ERBB4: variants seen among roughly 807,000 people sequenced by gnomAD.
ERBB4 encodes the protein erb-b2 receptor tyrosine kinase 4, also known as receptor tyrosine-protein kinase erbB-4.
A neutral mutation model predicts 158.0 loss-of-function variants in ERBB4; 42 were observed. The ratio of observed to expected loss-of-function variants is 0.27; its 90% confidence interval spans 0.21 to 0.34. ERBB4 has a LOEUF of 0.34. ERBB4 is among the 10% of genes least tolerant of loss of function. The pLI, the probability that ERBB4 is intolerant of heterozygous loss-of-function variation, is 1.00. For synonymous variants in ERBB4, 583 were observed against 558.7 expected (o/e 1.04, Z -0.61); for missense variants, 1,333 against 1,624.1 (o/e 0.82, Z 3.08).
intron 4 of ERBB4, among the ~76,000 whole-genome samples, chr2:211,753,854 ATT>A (rs1047804300): frequency 7.4e-5 from 9 of 121,304 alleles, no homozygotes; most frequent in African/African-American, 1.6e-4. Flanking sequence ...AAAAGTCCTG[ATT>A]TTTTTTTTTT....
At chr2:211,954,006 A>G (rs2080957332) in intron 2 of ERBB4, among the ~76,000 whole-genome samples, 1 of 152,056 alleles carries the variant, frequency 6.6e-6, no homozygotes, top group East Asian at 1.9e-4. Flanking sequence ...GTATTGGCTC[A>G]CTGGGTTATC....
At chr2:212,495,816 G>A (rs560111966) in intron 1 of ERBB4, among the ~76,000 whole-genome samples, 9 of 152,206 alleles carry the variant, frequency 5.9e-5, no homozygotes, top group South Asian at 4.1e-4. Flanking sequence ...CCTATTAAGC[G>A]TATAGACTAC....
intron 3 of ERBB4, among the ~76,000 whole-genome samples, chr2:211,905,457 G>T (rs2079353965): frequency 6.6e-6 from 1 of 151,426 alleles, no homozygotes; most frequent in Admixed American, 6.6e-5. Flanking sequence ...ACCTAACACA[G>T]GTTCTGGGGA....
intron 1 of ERBB4, among the ~76,000 whole-genome samples, chr2:212,504,933 T>C (rs1446064302): frequency 6.6e-6 from 1 of 152,110 alleles, no homozygotes; most frequent in African/African-American, 2.4e-5. Context: ...AACTGAAAAA[T>C]ATGTATGTAA....
Position 211,916,751 on chromosome 2 carries a change from A to T in ERBB4, c.421+30679T>A, listed in dbSNP as rs150636474. Among the ~76,000 whole-genome samples the T allele has an allele frequency of 3.9e-4, 60 of 152,264 alleles. No individual in the cohort carries two copies. The East Asian group carries it at 0.011, about 27-fold the overall frequency. The stretch of plus-strand genomic sequence containing the variant: ...TGTAGCCATTTTGCAGAGTAATTTG[A>T]AAATATCTGTTAAAATTTAAGATTC... On this transcript the variant is annotated intron_variant, in intron 3 of 27. Transcript: ENST00000342788.
At chr2:211,779,610 A>G (rs909467555) in intron 4 of ERBB4, 4 of 152,178 alleles carry the variant, frequency 2.6e-5, no homozygotes, top group African/African-American at 9.6e-5. Context: ...CATTTATCTC[A>G]CTAACAGCAG....
At chr2:211,483,448 A>G (rs2065132144) in intron 20 of ERBB4, among the ~76,000 whole-genome samples, 1 of 152,220 alleles carries the variant, frequency 6.6e-6, no homozygotes, top group African/African-American at 2.4e-5. Context: ...GACAAAAATC[A>G]TAAAACAGCC....
At chr2:212,017,892 A>G (rs973648056) in intron 2 of ERBB4, among the ~76,000 whole-genome samples, 1 of 152,274 alleles carries the variant, frequency 6.6e-6, no homozygotes, top group Non-Finnish European at 1.5e-5. Context: ...AAAATTTTCT[A>G]TCTTGATTTC....
intron 1 of ERBB4, among the ~76,000 whole-genome samples, chr2:212,150,826 T>G (rs2080842847): frequency 6.6e-6 from 1 of 152,198 alleles, no homozygotes; most frequent in African/African-American, 2.4e-5. Flanking sequence ...TCATGTGAGA[T>G]AACCTTCAAT....
At chr2:211,846,217 G>T (rs937151363) in intron 3 of ERBB4, among the ~76,000 whole-genome samples, 2 of 152,020 alleles carry the variant, frequency 1.3e-5, no homozygotes, top group Non-Finnish European at 2.9e-5. Flanking sequence ...AGAATATTCA[G>T]ATGCTTTAGC....
At chr2:212,203,255 A>C (rs571537253) in intron 1 of ERBB4, among the ~76,000 whole-genome samples, 6 of 152,290 alleles carry the variant, frequency 3.9e-5, no homozygotes, top group African/African-American at 1.4e-4. Flanking sequence ...CTTTTGAGTA[A>C]AAACCTAAAA....
intron 4 of ERBB4, among the ~76,000 whole-genome samples, chr2:211,768,137 C>T (rs115156198): frequency 0.01 from 1,592 of 152,274 alleles, 11 homozygotes; most frequent in South Asian, 0.028. Flanking sequence ...CAAAATCCAG[C>T]GGGGCAGTCA....
chr2:212,057,246 T>G (rs752474214), intron 2 of ERBB4, among the ~76,000 whole-genome samples: 2 of 152,186 alleles, frequency 1.3e-5, no homozygotes, highest in Non-Finnish European at 2.9e-5. Context: ...TAAATATATA[T>G]GCACCCAATA....
chr2:212,382,055 C>T (rs2090520139), intron 1 of ERBB4, among the ~76,000 whole-genome samples: 1 of 150,798 alleles, frequency 6.6e-6, no homozygotes, highest in African/African-American at 2.4e-5. Flanking sequence ...GACACCTCCC[C>T]AGGCCTACTA....
At chr2:211,863,840 T>G (rs983516856) in intron 3 of ERBB4, among the ~76,000 whole-genome samples, 39 of 152,172 alleles carry the variant, frequency 2.6e-4, no homozygotes, top group Non-Finnish European at 3.5e-4. Context: ...TATGAACCTA[T>G]AGGGGTCTAA....
chr2:211,885,817 A>G (rs1377235874), intron 3 of ERBB4, among the ~76,000 whole-genome samples: 1 of 152,126 alleles, frequency 6.6e-6, no homozygotes, highest in Non-Finnish European at 1.5e-5. Context: ...AAGGGAAGCA[A>G]TATCAGTTTA....
Position 212,255,997 on chromosome 2 carries a change from A to ATTT in ERBB4, c.83-131097_83-131095dup, listed in dbSNP as rs746469311. 4.3e-3 allele frequency among the ~76,000 whole-genome samples: 422 copies of ATTT among 99,168 alleles called. 1 individual carries two copies. The highest frequency in any genetic ancestry group is 0.024 in the East Asian group (23 of 952). The allele number at this position is 99,168 out of a possible 152,430, so 65.1% of individuals were successfully genotyped here. A position where few individuals can be genotyped will look rare whatever the true frequency, so the allele number is the denominator to read the frequency against. ...CACCATTCCTGGCTAAGTTTTATTT[A>ATTT]TTTATTTTTTTTTTACAAATGGGGG... On this transcript the variant is annotated intron_variant, in intron 1 of 27. Transcript: ENST00000342788.
chr2:212,257,958 C>T (rs981180332), intron 1 of ERBB4, among the ~76,000 whole-genome samples: 2 of 152,092 alleles, frequency 1.3e-5, no homozygotes, highest in Admixed American at 1.3e-4. Flanking sequence ...GGAAAATATC[C>T]TGACTCTTTC....
At chr2:211,835,187 T>G (rs1434705533) in intron 3 of ERBB4, among the ~76,000 whole-genome samples, 3 of 152,104 alleles carry the variant, frequency 2.0e-5, no homozygotes, top group Non-Finnish European at 4.4e-5. Flanking sequence ...TCATTAACCA[T>G]CTCTGCTCAG....
Sources: allele counts gnomAD v4.1 joint callset (sites outside exome capture counted in the v4.1 genomes callset), GRCh38; gene constraint gnomAD v4.1.1; transcripts MANE v1.5; gene names NCBI Gene and HGNC (gene_info 2026-07-23, HGNC 2026-07-21).